The following ARHGAP42 variants were observed in gnomAD, a reference collection of about 807,000 sequenced individuals.
The protein encoded by ARHGAP42 is Rho GTPase activating protein 42, also known as rho GTPase-activating protein 42.
In ARHGAP42, 63 loss-of-function variants were observed where a neutral mutation model predicts 125.0. That is an observed-to-expected ratio of 0.50 (90% confidence interval 0.41 to 0.62). The LOEUF is 0.62. Ranked by LOEUF, ARHGAP42 falls within the 20% of genes least tolerant of loss-of-function variation. ARHGAP42 has a pLI of 0.00. For missense variants in ARHGAP42, 766 were observed against 1,024.2 expected, an observed-to-expected ratio of 0.75 and a Z score of 3.44; for synonymous variants, 339 against 351.0, an observed-to-expected ratio of 0.97 and a Z score of 0.38.
At chr11:100,882,261 T>C (rs1328636918) in intron 4 of ARHGAP42, among the ~76,000 whole-genome samples, 4 of 152,210 alleles carry the variant, frequency 2.6e-5, no homozygotes, top group Admixed American at 2.0e-4. Flanking sequence ...CGTTGAGCTA[T>C]GTCCCTTGTA....
At chr11:100,893,734 G>A (rs11224506) in intron 4 of ARHGAP42, among the ~76,000 whole-genome samples, 27,713 of 151,916 alleles carry the variant, frequency 0.18, 3,471 homozygotes, top group East Asian at 0.44. Context: ...TGAATTTTTG[G>A]TAACCACAGA....
At chr11:100,755,669 C>T (rs1862556263) in intron 1 of ARHGAP42, among the ~76,000 whole-genome samples, 1 of 152,012 alleles carries the variant, frequency 6.6e-6, no homozygotes, top group South Asian at 2.1e-4. Flanking sequence ...GACCATCTGC[C>T]AAAAACAAAC....
At chr11:100,864,296 T>C (rs1374805476) in intron 4 of ARHGAP42, among the ~76,000 whole-genome samples, 1 of 151,964 alleles carries the variant, frequency 6.6e-6, no homozygotes, top group Non-Finnish European at 1.5e-5. Context: ...GTGATTCTCC[T>C]GCTTCAGCCT....
At chr11:100,760,858 A>G (rs1177177126) in intron 1 of ARHGAP42, among the ~76,000 whole-genome samples, 1 of 152,168 alleles carries the variant, frequency 6.6e-6, no homozygotes, top group Non-Finnish European at 1.5e-5. Flanking sequence ...TTCCAAAGTC[A>G]TTATCTTGGG....
chr11:100,913,698 G>A (rs1190190917), intron 5 of ARHGAP42, 145 bp downstream of exon 5: 4 of 348,474 alleles, frequency 1.1e-5, no homozygotes, highest in East Asian at 8.4e-5. Context: ...ACTTACTATG[G>A]GCGATACTTT....
At chr11:100,702,819 G>A (rs554636165) in intron 1 of ARHGAP42, among the ~76,000 whole-genome samples, 7 of 152,084 alleles carry the variant, frequency 4.6e-5, no homozygotes, top group South Asian at 2.1e-4. Flanking sequence ...TTACAGGCAC[G>A]TGTCACCATG....
chr11:100,848,510 T>C (rs1051633204), intron 3 of ARHGAP42, among the ~76,000 whole-genome samples: 1 of 151,768 alleles, frequency 6.6e-6, no homozygotes, highest in Non-Finnish European at 1.5e-5. Flanking sequence ...TTCTTTCTTT[T>C]TTTTTTTTCC....
intron 1 of ARHGAP42, chr11:100,738,577 A>C (rs1862115205): frequency 6.6e-6 from 1 of 152,174 alleles, no homozygotes; most frequent in Admixed American, 6.5e-5. Flanking sequence ...TTGGCCATTT[A>C]CCTGTTTTTG....
chr11:100,864,552 C>A (rs780391697), intron 4 of ARHGAP42, among the ~76,000 whole-genome samples: 2 of 152,076 alleles, frequency 1.3e-5, no homozygotes, highest in African/African-American at 4.8e-5. Flanking sequence ...CATACATACA[C>A]ACCAGAGCAT....
At chr11:100,863,313 G>T (rs1466286508) in intron 4 of ARHGAP42, among the ~76,000 whole-genome samples, 1 of 152,194 alleles carries the variant, frequency 6.6e-6, no homozygotes, top group African/African-American at 2.4e-5. Flanking sequence ...TGATTAGCCA[G>T]CTGGAAGGGA....
chr11:100,903,709 A>AAAAT (rs1332890022), intron 4 of ARHGAP42, among the ~76,000 whole-genome samples: 27 of 63,504 alleles, frequency 4.3e-4, no homozygotes, highest in African/African-American at 1.7e-3. Context: ...TGTCCCTCAA[A>AAAAT]ATATATATAT....
intron 2 of ARHGAP42, among the ~76,000 whole-genome samples, chr11:100,793,280 A>T (rs1270118910): frequency 1.3e-5 from 2 of 152,214 alleles, no homozygotes; most frequent in Non-Finnish European, 2.9e-5. Flanking sequence ...ATATGCTGTT[A>T]TACACTCCAG....
chr11:100,907,780 G>A (rs1866782387), intron 4 of ARHGAP42, among the ~76,000 whole-genome samples: 1 of 152,122 alleles, frequency 6.6e-6, no homozygotes, highest in Non-Finnish European at 1.5e-5. Flanking sequence ...GGAAGAAGAA[G>A]TCTAATTAGG....
intron 2 of ARHGAP42, among the ~76,000 whole-genome samples, chr11:100,779,535 T>TCTACGTATATATATACGTATAC (rs1863231810): frequency 7.4e-6 from 1 of 134,504 alleles, no homozygotes; most frequent in Non-Finnish European, 1.6e-5. Context: ...CATGCGTATA[T>TCTACGTATATATATACGTATAC]ATACGTATAT....
At chr11:100,875,095 CTCTCTCTCTCTCTGTG>C (rs1208692780) in intron 4 of ARHGAP42, among the ~76,000 whole-genome samples, 60 of 94,912 alleles carry the variant, frequency 6.3e-4, no homozygotes, top group South Asian at 1.9e-3. Context: ...CTCTCTCTCT[CTCTCTCTCTCTCTGTG>C]TGTGTGTGTG....
At chr11:100,765,062 G>A (rs1203549336) in intron 1 of ARHGAP42, among the ~76,000 whole-genome samples, 2 of 152,150 alleles carry the variant, frequency 1.3e-5, no homozygotes, top group African/African-American at 4.8e-5. Flanking sequence ...AGAAAAGTAT[G>A]TTCTAAGTAG....
At chr11:100,770,506 C>G in intron 2 of ARHGAP42, 68 bp downstream of exon 2, 2 of 1,043,968 alleles carry the variant, frequency 1.9e-6, no homozygotes, top group East Asian at 5.5e-5. Flanking sequence ...TAGACACACA[C>G]CTAAATAATA....
intron 3 of ARHGAP42, among the ~76,000 whole-genome samples, chr11:100,806,212 C>T (rs997930497): frequency 6.6e-6 from 1 of 152,174 alleles, no homozygotes; most frequent in Admixed American, 6.5e-5. Flanking sequence ...GTCTTTCCCC[C>T]ATTCTTGAAC....
intron 1 of ARHGAP42, among the ~76,000 whole-genome samples, chr11:100,695,693 A>AAAAATTTC (rs1861265559): frequency 1.3e-5 from 2 of 152,216 alleles, no homozygotes; most frequent in African/African-American, 4.8e-5. Flanking sequence ...TCAAAAATCC[A>AAAAATTTC]GTTATAATAC....
Sources: gnomAD v4.1 joint callset for allele counts (sites outside exome capture counted in the v4.1 genomes callset) on GRCh38, gnomAD v4.1.1 for gene constraint, MANE v1.5 for transcripts, NCBI Gene and HGNC (gene_info 2026-07-23, HGNC 2026-07-21) for gene names.